Variants in BCL2 observed in about 807,000 individuals in gnomAD.
BCL2 encodes apoptosis regulator Bcl-2.
A neutral mutation model predicts 14.2 loss-of-function variants in BCL2; 1 was observed. That is an observed-to-expected ratio of 0.07 (90% CI 0.02 to 0.33). The LOEUF (loss-of-function observed/expected upper bound fraction) is 0.33. Ranked by LOEUF, BCL2 falls within the 10% of genes least tolerant of loss-of-function variation. BCL2 has a pLI of 0.99. For missense variants in BCL2, 247 were observed against 305.9 expected (o/e 0.81, Z 1.44); for synonymous variants, 151 against 137.2 (o/e 1.10, Z -0.70).
At chr18:63,212,351 AC>A (rs202229694) in intron 2 of BCL2, among the ~76,000 whole-genome samples, 3,876 of 150,850 alleles carry the variant, frequency 0.026, 212 homozygotes, top group African/African-American at 0.09. Flanking sequence ...AACAACAACA[AC>A]AAAAAAAACA....
intron 2 of BCL2, among the ~76,000 whole-genome samples, chr18:63,273,692 G>A (rs1433255014): frequency 8.6e-5 from 13 of 152,014 alleles, no homozygotes; most frequent in Non-Finnish European, 1.9e-4. Context: ...AGTTCTAACC[G>A]GTCATGGTTT....
chr18:63,162,762 T>G (rs907411718), intron 2 of BCL2, among the ~76,000 whole-genome samples: 1 of 152,162 alleles, frequency 6.6e-6, no homozygotes, highest in African/African-American at 2.4e-5. Context: ...AGAGCCTTCA[T>G]TTCCATGCCT....
chr18:63,212,212 G>A (rs559130384), intron 2 of BCL2, among the ~76,000 whole-genome samples: 1 of 151,572 alleles, frequency 6.6e-6, no homozygotes, highest in South Asian at 2.1e-4. Flanking sequence ...TGTAGTCCCA[G>A]CTACTCGGGA....
chr18:63,171,437 G>A (rs1195707392), intron 2 of BCL2, among the ~76,000 whole-genome samples: 3 of 152,218 alleles, frequency 2.0e-5, no homozygotes, highest in Non-Finnish European at 2.9e-5. Flanking sequence ...CAGATAACAT[G>A]TAAAGAAAAT....
Position 63,244,929 on chromosome 18 carries a change from A to G in BCL2, c.585+73153T>C, listed in dbSNP as rs1911112198. 2.6e-5 allele frequency among the ~76,000 whole-genome samples: 4 copies of G among 152,170 alleles called. No homozygotes were observed. In the South Asian group the frequency reaches 8.3e-4, roughly 32 times the overall value. On this transcript the variant is annotated intron_variant, in intron 2 of 2. Transcript: ENST00000333681. The stretch of plus-strand genomic sequence containing the variant: ...GTTGTCTCTCTCTCAATCTGTTTAT[A>G]GCGTGTTTCCATTTCAGCCTGCACC...
At chr18:63,274,417 G>A (rs542307299) in intron 2 of BCL2, among the ~76,000 whole-genome samples, 1 of 150,750 alleles carries the variant, frequency 6.6e-6, no homozygotes, top group African/African-American at 2.4e-5. Context: ...CCCGAGTAGT[G>A]GGGATTACAG....
chr18:63,216,695 T>G (rs938485989), intron 2 of BCL2, among the ~76,000 whole-genome samples: 2 of 152,188 alleles, frequency 1.3e-5, no homozygotes, highest in Non-Finnish European at 2.9e-5. Flanking sequence ...GACACTGTGC[T>G]AAGATGATGT....
chr18:63,206,623 G>A (rs565232661), intron 2 of BCL2, among the ~76,000 whole-genome samples: 6 of 152,360 alleles, frequency 3.9e-5, no homozygotes, highest in African/African-American at 1.4e-4. Flanking sequence ...TCGCCACACA[G>A]AACAACAAGC....
At chr18:63,252,972 C>T (rs139422755) in intron 2 of BCL2, among the ~76,000 whole-genome samples, 77 of 152,192 alleles carry the variant, frequency 5.1e-4, no homozygotes, top group African/African-American at 1.6e-3. Flanking sequence ...TGCTATTTCC[C>T]GATTTTTAAA....
chr18:63,203,365 CAA>C (rs990380199), intron 2 of BCL2, among the ~76,000 whole-genome samples: 4 of 152,146 alleles, frequency 2.6e-5, no homozygotes, highest in African/African-American at 9.7e-5. Flanking sequence ...ATGTGTAAAA[CAA>C]GAGAAAACTT....
At chr18:63,187,949 T>C (rs554191104) in intron 2 of BCL2, among the ~76,000 whole-genome samples, 1 of 152,342 alleles carries the variant, frequency 6.6e-6, no homozygotes, top group East Asian at 1.9e-4. Flanking sequence ...AGTCTTCAGA[T>C]GGCATGCTCC....
In BCL2 at chr18:63,158,018, A is replaced by G. The variant is rs564291826; in HGVS notation, c.586-29259T>C. On this transcript the variant is annotated intron_variant, in intron 2 of 2. Coordinates refer to ENST00000333681, the MANE Select transcript of BCL2 (RefSeq NM_000633.3). ...TACAGAGTTCGGCGTAGCAGGAAAA[A>G]GAAACTCAGCTCAAGACATTTCATA... 1.7e-3 allele frequency among the ~76,000 whole-genome samples: 252 copies of G among 152,224 alleles called. 2 individuals are homozygous for G. Among genetic ancestry groups the G allele is most frequent in the South Asian group, 9.4e-3 (45 of 4,810 alleles).
At chr18:63,301,735 G>A (rs1912966224) in intron 2 of BCL2, among the ~76,000 whole-genome samples, 1 of 152,184 alleles carries the variant, frequency 6.6e-6, no homozygotes, top group Non-Finnish European at 1.5e-5. Context: ...AAAGAGAACT[G>A]AGCTCCAGAA....
chr18:63,239,851 AGG>A (rs558809413), intron 2 of BCL2, among the ~76,000 whole-genome samples: 80 of 152,332 alleles, frequency 5.3e-4, no homozygotes, highest in South Asian at 2.9e-3. Context: ...GAACCCTTAA[AGG>A]GGTTCAATAG....
intron 2 of BCL2, among the ~76,000 whole-genome samples, chr18:63,257,029 A>T (rs1207649528): frequency 2.0e-5 from 3 of 152,242 alleles, no homozygotes; most frequent in Non-Finnish European, 4.4e-5. Context: ...TTCCAAGGTT[A>T]TGTCCTTACT....
At chr18:63,203,809 A>G (rs1048924011) in intron 2 of BCL2, among the ~76,000 whole-genome samples, 1 of 152,240 alleles carries the variant, frequency 6.6e-6, no homozygotes, top group Non-Finnish European at 1.5e-5. Flanking sequence ...CACAACAGAA[A>G]TGTAAAGTAT....
chr18:63,236,551 C>A (rs1845371233), intron 2 of BCL2, among the ~76,000 whole-genome samples: 1 of 152,214 alleles, frequency 6.6e-6, no homozygotes, highest in African/African-American at 2.4e-5. Context: ...AGAAGACAAC[C>A]TCTTCCTTTC....
intron 2 of BCL2, among the ~76,000 whole-genome samples, chr18:63,293,288 T>C (rs1369411750): frequency 3.3e-5 from 5 of 152,192 alleles, no homozygotes; most frequent in Non-Finnish European, 7.3e-5. Flanking sequence ...CCAAAACATA[T>C]TCAAACCCTG....
chr18:63,200,533 T>C (rs1909660401), intron 2 of BCL2, among the ~76,000 whole-genome samples: 1 of 152,198 alleles, frequency 6.6e-6, no homozygotes, highest in African/African-American at 2.4e-5. Context: ...GGCAAAAGTT[T>C]CTCCCTACAC....
Sources: gnomAD v4.1 joint callset for allele counts (sites outside exome capture counted in the v4.1 genomes callset) on GRCh38, gnomAD v4.1.1 for gene constraint, MANE v1.5 for transcripts, NCBI Gene and HGNC (gene_info 2026-07-23, HGNC 2026-07-21) for gene names.